ZNF268: variants seen among roughly 807,000 people sequenced by gnomAD.
ZNF268 encodes the protein zinc finger protein 3.
ZNF268 carries 20 observed loss-of-function variants against 29.3 expected under a neutral mutation model. The ratio of observed to expected loss-of-function variants is 0.68; its 90% CI spans 0.48 to 0.99. The LOEUF (loss-of-function observed/expected upper bound fraction) is 0.99. Ranked by LOEUF, ZNF268 falls within the 50% of genes least tolerant of loss-of-function variation. The probability of loss-of-function intolerance (pLI) is 0.00; values close to 1 mark genes in which losing one functional copy is unlikely to be tolerated. For synonymous variants in ZNF268, 429 were observed against 376.9 expected (o/e 1.14, Z -1.60); for missense variants, 1,240 against 1,121.6 (o/e 1.11, Z -1.51).
Position 133,204,204 on chromosome 12 carries a change from C to G in ZNF268, c.2518C>G (p.Gln840Glu), listed in dbSNP as rs1392172902. The change falls in exon 6 of 6, where the codon CAA becomes GAA. Residue 840 changes from glutamine (Q) to glutamate (E), a missense_variant. Coordinates refer to ENST00000536435, the MANE Select transcript of ZNF268 (RefSeq NM_003415.3). ...AGGGGTCAACCCTTATAAATGCAGT[C>G]AATGTGAGAAATCCTTCAGTGGGAA... ...HAGVNPYKCSQCEKSFSGKLR... is the reference protein window; with the variant it reads ...HAGVNPYKCSECEKSFSGKLR... 6.5e-7 allele frequency: 1 copy of G among 1,540,524 alleles called. No individual in the cohort carries two copies. Among genetic ancestry groups the G allele is most frequent in the Non-Finnish European group, 8.7e-7 (1 of 1,147,292 alleles).
At chr12:133,198,753 C>A (rs1459677966) in intron 5 of ZNF268, among the ~76,000 whole-genome samples, 1 of 149,948 alleles carries the variant, frequency 6.7e-6, no homozygotes, top group Non-Finnish European at 1.5e-5. Flanking sequence ...TCCTTCACAT[C>A]CCTTGTAAGT....
intron 5 of ZNF268, among the ~76,000 whole-genome samples, chr12:133,196,621 A>T (rs147106543): frequency 0.02 from 2,991 of 152,308 alleles, 29 homozygotes; most frequent in Middle Eastern, 0.034. Context: ...TCTACCAAAA[A>T]AATAGTGACA....
chr12:133,204,283 G>C lies in ZNF268; in HGVS notation c.2597G>C (p.Cys866Ser). Residue 866 changes from cysteine to serine, a missense_variant, in exon 6 of 6, where the codon TGC (cysteine) becomes TCC (serine). Around this residue, in one of 3 missense-constraint regions of ZNF268, gnomAD observed 1,177 missense variants for 1,039.6 expected, o/e 1.13. Coordinates refer to ENST00000536435, the MANE Select transcript of ZNF268 (RefSeq NM_003415.3). Reference protein sequence around the residue: ...RMHTREKPYECSECGKAFIRN... With the variant: ...RMHTREKPYESSECGKAFIRN... ...CACACAAGAGAGAAACCATATGAAT[G>C]CAGTGAGTGTGGAAAAGCCTTCATT... 6.4e-7 allele frequency: 1 copy of C among 1,553,330 alleles called. No homozygotes were observed. The highest frequency in any genetic ancestry group is 8.7e-7 in the Non-Finnish European group (1 of 1,152,624).
rs1036891763 is a variant in ZNF268 at position 133,191,690 on chromosome 12, T to C, written c.361+75T>C. Reference sequence around the variant, plus strand: ...CTTGGTTGCTGAAAACTGGAGGGCTTCTATGAAATACTTAGTGATTTTGGA... The same window carrying C: ...CTTGGTTGCTGAAAACTGGAGGGCTCCTATGAAATACTTAGTGATTTTGGA... On this transcript the variant is annotated intron_variant, in intron 4 of 5. Transcript: ENST00000536435. The C allele has an allele frequency of 7.0e-6, 11 of 1,580,414 alleles. No individual in the cohort carries two copies. In the African/African-American group the frequency reaches 1.5e-4, roughly 21 times the overall value.
At position 133,203,130 on chromosome 12, in the gene ZNF268, A is replaced by C; in HGVS notation, c.1444A>C (p.Ser482Arg). 9 of 1,537,558 alleles carry C rather than the reference A, an allele frequency of 5.9e-6. No homozygotes were observed. The highest frequency in any genetic ancestry group is 7.0e-6 in the Non-Finnish European group (8 of 1,146,782). Reference sequence around the variant, plus strand: ...GTGTATTCAGTGTGGTAAAGGATTCAGTTTGAAATCACAGCTCATTGTACA... The same window carrying C: ...GTGTATTCAGTGTGGTAAAGGATTCCGTTTGAAATCACAGCTCATTGTACA... ...YGCIQCGKGF[S>R]LKSQLIVHQR... is the part of the protein sequence containing the mutation. The change falls in exon 6 of 6, where the codon AGT becomes CGT. Residue 482 changes from serine to arginine, a missense_variant. Transcript: ENST00000536435.
At chr12:133,199,205 G>A (rs191309736) in intron 5 of ZNF268, among the ~76,000 whole-genome samples, 142 of 152,264 alleles carry the variant, frequency 9.3e-4, no homozygotes, top group Middle Eastern at 3.4e-3. Context: ...TTTGAGACAC[G>A]TCTCATCAAT....
Position 133,202,692 on chromosome 12 carries a change from G to C in ZNF268, c.1006G>C (p.Glu336Gln), listed in dbSNP as rs1419661371. 6.2e-7 allele frequency: 1 copy of C among 1,610,382 alleles called. No individual in the cohort carries two copies. Among genetic ancestry groups the C allele is most frequent in the South Asian group, 1.1e-5 (1 of 90,664 alleles). Residue 336 changes from glutamate to glutamine, a missense_variant, in exon 6 of 6, where the codon GAA becomes CAA. This residue lies in a region of ZNF268 where 1,177 missense variants were observed against 1,039.6 expected (regional missense o/e 1.13). Coordinates refer to ENST00000536435, the MANE Select transcript of ZNF268 (RefSeq NM_003415.3). ...HTGEKLHECSECRKTFSFHSQ... is the reference protein window; with the variant it reads ...HTGEKLHECSQCRKTFSFHSQ... ...AGGAGAGAAACTACATGAATGCAGT[G>C]AATGCAGGAAAACATTCAGTTTCCA...
At position 133,204,133 on chromosome 12, in the gene ZNF268, C is replaced by G. The variant is rs779235314; in HGVS notation, c.2447C>G (p.Ala816Gly). The G allele has an allele frequency of 8.4e-6, 13 of 1,543,942 alleles. No homozygotes were observed. In the East Asian group the frequency reaches 9.8e-5, roughly 12 times the overall value. The change falls in exon 6 of 6, where the codon GCC becomes GGC. Residue 816 changes from alanine (A) to glycine (G), a missense_variant. Transcript: ENST00000536435. ...TATGAATGTAATGAATGTGGGAAAG[C>G]CTTCATTTGGAAATCACTACTCATT... ...KPYECNECGK[A>G]FIWKSLLIVH...
At position 133,202,905 on chromosome 12, in the gene ZNF268, G is replaced by A. The variant is rs1356246170; in HGVS notation, c.1219G>A (p.Glu407Lys). 1 of 1,548,740 alleles carries A rather than the reference G, an allele frequency of 6.5e-7. No individual in the cohort carries two copies. The highest frequency in any genetic ancestry group is 1.2e-5 in the South Asian group (1 of 85,060). The change falls in exon 6 of 6, where the codon GAA becomes AAA. Residue 407 changes from glutamate to lysine, a missense_variant. Glu to Lys is a moderately conservative substitution (Grantham distance 56). Transcript: ENST00000536435. ...TTTAAAATCACAGCTCATTATACAT[G>A]AAAGAATTCATACAGGAGAGAAACC... Reference protein sequence around the residue: ...FGLKSQLIIHERIHTGEKPYE... With the variant: ...FGLKSQLIIHKRIHTGEKPYE...
intron 5 of ZNF268, among the ~76,000 whole-genome samples, chr12:133,196,755 T>C (rs1429920683): frequency 3.9e-5 from 6 of 152,170 alleles, no homozygotes; most frequent in Admixed American, 1.3e-4. Context: ...CTCAAACCAT[T>C]GTGAAAACCG....
chr12:133,204,200 C>T lies in ZNF268; in HGVS notation c.2514C>T (p.Cys838=), dbSNP rs1956840227. ...ATGCAGGGGTCAACCCTTATAAATG[C>T]AGTCAATGTGAGAAATCCTTCAGTG... ...RTHAGVNPYK[C]SQCEKSFSGK... is the part of the protein sequence containing the mutation. Residue 838 remains cysteine (C), a synonymous_variant, in exon 6 of 6, where the codon TGC becomes TGT. Coordinates refer to ENST00000536435, the MANE Select transcript of ZNF268 (RefSeq NM_003415.3). 1.3e-6 allele frequency: 2 copies of T among 1,540,530 alleles called. No individual in the cohort carries two copies. The highest frequency in any genetic ancestry group is 1.7e-4 in the Middle Eastern group (1 of 5,990).
chr12:133,208,888 CG>C lies in ZNF268; in HGVS notation c.*4359del, dbSNP rs200530570. The C allele has an allele frequency of 0.7, 105,489 of 149,980 alleles. 37,713 individuals carry two copies. Among genetic ancestry groups the C allele is most frequent in the East Asian group, 0.9 (4,609 of 5,094 alleles). 9.3% of individuals were successfully genotyped at this position (149,980 alleles called of 1,614,324 possible). ...TGTCAGTATTCATGGAGGACCCCCC[CG>C]CAACCACAGATACTCCCTGTGGATG... On this transcript the variant is annotated 3_prime_UTR_variant, in exon 6 of 6. Coordinates refer to ENST00000536435, the MANE Select transcript of ZNF268 (RefSeq NM_003415.3).
rs1555305663 is a variant in ZNF268, at chr12:133,212,514, C to CACAA, written c.*7987_*7988insAACA. The CACAA allele has an allele frequency of 2.0e-3, 169 of 83,408 alleles. 4 individuals are homozygous for CACAA. Among genetic ancestry groups the CACAA allele is most frequent in the African/African-American group, 9.6e-3 (163 of 17,054 alleles). The allele number at this position is 83,408 out of a possible 1,614,324, so 5.2% of individuals were successfully genotyped here. On this transcript the variant is annotated 3_prime_UTR_variant, in exon 6 of 6. Transcript: ENST00000536435. ...ATATATATATGTATATATACACACA[C>CACAA]ACATACACACATATATACACATATA...
At chr12:133,188,902 T>G (rs1199352564) in intron 3 of ZNF268, among the ~76,000 whole-genome samples, 4 of 152,206 alleles carry the variant, frequency 2.6e-5, no homozygotes, top group Admixed American at 6.5e-5. Flanking sequence ...TAACTTTTAC[T>G]GAGTCTGGAT....
In ZNF268 at chr12:133,181,963, C is replaced by T. The variant is rs753001116; in HGVS notation, c.-35C>T. The T allele has an allele frequency of 1.3e-6, 2 of 1,557,230 alleles. No homozygotes were observed. Among genetic ancestry groups the T allele is most frequent in the South Asian group, 2.4e-5 (2 of 84,298 alleles). ...TCTTCTAGCATCCCTCGCGTCCTGT[C>T]ACTTCCAGCGAGGCACACAAAACTG... On this transcript the variant is annotated 5_prime_UTR_variant, in exon 2 of 6. Transcript: ENST00000536435.
At chr12:133,183,278 A>G (rs543042661) in intron 2 of ZNF268, among the ~76,000 whole-genome samples, 1 of 152,242 alleles carries the variant, frequency 6.6e-6, no homozygotes, top group African/African-American at 2.4e-5. Flanking sequence ...TTGAGGGTAG[A>G]ACAGTCTAGT....
rs1481001696 is a variant in ZNF268 at position 133,212,828 on chromosome 12, T to G, written c.*8298T>G. 1 of 152,160 alleles carries G rather than the reference T, an allele frequency of 6.6e-6. No homozygotes were observed. Among genetic ancestry groups the G allele is most frequent in the South Asian group, 2.1e-4 (1 of 4,826 alleles). 9.4% of individuals were successfully genotyped at this position (152,160 alleles called of 1,614,324 possible). Reference sequence around the variant, plus strand: ...CCTCAGCCTCCTGGGTAGCTGGAACTACAGGTGCCACTACACCCAAATAGT... The same window carrying G: ...CCTCAGCCTCCTGGGTAGCTGGAACGACAGGTGCCACTACACCCAAATAGT... On this transcript the variant is annotated 3_prime_UTR_variant, in exon 6 of 6. Transcript: ENST00000536435.
intron 2 of ZNF268, 65 bp from the exon 3 acceptor site, chr12:133,187,807 C>T: frequency 1.4e-6 from 2 of 1,441,310 alleles, no homozygotes; most frequent in Non-Finnish European, 1.9e-6. Context: ...TGTGATGTGA[C>T]CCCTATTTCC....
rs372821601 is a variant in ZNF268 at position 133,190,759 on chromosome 12, G to A, written c.235-730G>A. Among the ~76,000 whole-genome samples the A allele has an allele frequency of 3.9e-5, 6 of 152,008 alleles. No individual in the cohort carries two copies. In the South Asian group the frequency reaches 6.2e-4, roughly 16 times the overall value. On this transcript the variant is annotated intron_variant, in intron 3 of 5. Coordinates refer to ENST00000536435, the MANE Select transcript of ZNF268 (RefSeq NM_003415.3). The stretch of plus-strand genomic sequence containing the variant: ...TGCTTCCTTCTTCCTTTGTGCCTAC[G>A]TTGTAATCTGTGTTCTTTTTTCTTA...
Sources: gnomAD v4.1 joint callset for allele counts (sites outside exome capture counted in the v4.1 genomes callset) on GRCh38, gnomAD v4.1.1 for gene constraint, gnomAD v4.1.1 regional missense constraint, MANE v1.5 for transcripts, NCBI Gene and HGNC (gene_info 2026-07-23, HGNC 2026-07-21) for gene names.